Variants in CLSTN1 observed in about 807,000 individuals in gnomAD.
CLSTN1 encodes the protein calsyntenin-1.
Under a neutral mutation model 108.3 loss-of-function variants are expected in CLSTN1, and 28 were observed. The ratio of observed to expected loss-of-function variants is 0.26; its 90% CI spans 0.19 to 0.35. The LOEUF (loss-of-function observed/expected upper bound fraction) is 0.35. Ranked by LOEUF, CLSTN1 falls within the 10% of genes least tolerant of loss-of-function variation. CLSTN1 has a pLI of 1.00. For synonymous variants in CLSTN1, 524 were observed against 534.9 expected, an observed-to-expected ratio of 0.98 and a Z score of 0.28; for missense variants, 1,157 against 1,302.6, an observed-to-expected ratio of 0.89 and a Z score of 1.72.
intron 1 of CLSTN1, among the ~76,000 whole-genome samples, chr1:9,777,805 C>A (rs1279217016): frequency 6.6e-6 from 1 of 152,116 alleles, no homozygotes; most frequent in African/African-American, 2.4e-5. Flanking sequence ...CACAGTGCAG[C>A]CTAAGAGGAT....
intron 15 of CLSTN1, 90 bp downstream of exon 15, chr1:9,733,882 T>C (rs1650538692): frequency 7.4e-7 from 1 of 1,350,442 alleles, no homozygotes. Flanking sequence ...TAACTCAACA[T>C]TCTCAGATGG....
intron 1 of CLSTN1, among the ~76,000 whole-genome samples, chr1:9,790,672 G>A (rs924358017): frequency 1.3e-5 from 2 of 151,294 alleles, no homozygotes; most frequent in Non-Finnish European, 2.9e-5. Flanking sequence ...CAAATATTAC[G>A]CATATTTCGG....
rs1332756099 is a variant in CLSTN1, at chr1:9,823,042, G to A, written c.91+601C>T. On this transcript the variant is annotated intron_variant, in intron 1 of 18. Coordinates refer to ENST00000377298, the MANE Select transcript of CLSTN1 (RefSeq NM_001009566.3). This position sits in a 1 kb window ranked among gnomAD's most constrained non-coding sequence, Gnocchi z 6.3. ...TTCAGCCTCGGCTCCACTGGAAACAGACAACGTCTGAAGGACTCTGGGAGG... is the reference window on the plus strand; with the variant it reads ...TTCAGCCTCGGCTCCACTGGAAACAAACAACGTCTGAAGGACTCTGGGAGG... Among the ~76,000 whole-genome samples the A allele has an allele frequency of 6.6e-6, 1 of 152,252 alleles. No homozygotes were observed. Among genetic ancestry groups the A allele is most frequent in the Non-Finnish European group, 1.5e-5 (1 of 68,048 alleles).
At position 9,730,737 on chromosome 1, in the gene CLSTN1, C is replaced by G; in HGVS notation, c.2749-32G>C. The G allele has an allele frequency of 2.6e-6, 4 of 1,554,294 alleles. No individual in the cohort carries two copies. Among genetic ancestry groups the G allele is most frequent in the Non-Finnish European group, 3.5e-6 (4 of 1,150,258 alleles). On this transcript the variant is annotated intron_variant, in intron 18 of 18. Transcript: ENST00000377298. This position sits in a 1 kb window ranked among gnomAD's most constrained non-coding sequence, Gnocchi z 5.6. ...AGGAGAAGTGACGGCCACATGAGTCCGGCCCTGCCCACAGCCCCGTCACCT... is the reference window on the plus strand; with the variant it reads ...AGGAGAAGTGACGGCCACATGAGTCGGGCCCTGCCCACAGCCCCGTCACCT...
chr1:9,773,494 T>C, intron 1 of CLSTN1, 100 bp from the exon 2 acceptor site: 1 of 1,287,440 alleles, frequency 7.8e-7, no homozygotes, highest in Non-Finnish European at 1.0e-6. Flanking sequence ...ATAATAAAAC[T>C]CTCATTAGGC....
chr1:9,730,210 C>A lies in CLSTN1; in HGVS notation c.*298G>T. 1 of 492,390 alleles carries A rather than the reference C, an allele frequency of 2.0e-6. No individual in the cohort carries two copies. Among genetic ancestry groups the A allele is most frequent in the Non-Finnish European group, 3.7e-6 (1 of 270,328 alleles). 30.5% of individuals were successfully genotyped at this position (492,390 alleles called of 1,614,324 possible). On this transcript the variant is annotated 3_prime_UTR_variant, in exon 19 of 19. Transcript: ENST00000377298. This position sits in a 1 kb window ranked among gnomAD's most constrained non-coding sequence, Gnocchi z 5.6. ...GAGTGCGAGGGGCCAGTGTCCTCTC[C>A]CCGGGGGGAGACTCCAGACACAAAC... is the stretch of plus-strand genomic sequence containing the variant.
chr1:9,816,573 G>C (rs1380788498), intron 1 of CLSTN1, among the ~76,000 whole-genome samples: 1 of 57,198 alleles, frequency 1.7e-5, no homozygotes. Flanking sequence ...GCAGAAAAAG[G>C]TGGGTTTTTT....
At chr1:9,806,934 G>A (rs1654533357) in intron 1 of CLSTN1, among the ~76,000 whole-genome samples, 1 of 151,754 alleles carries the variant, frequency 6.6e-6, no homozygotes, top group South Asian at 2.1e-4. Context: ...TGTCAAAGAG[G>A]CAGTCTTTTA....
chr1:9,820,133 C>T (rs1437548026), intron 1 of CLSTN1, among the ~76,000 whole-genome samples: 2 of 152,046 alleles, frequency 1.3e-5, no homozygotes, highest in African/African-American at 4.8e-5. Flanking sequence ...CTAGTTCTCC[C>T]AAAGTGCTGG....
intron 1 of CLSTN1, among the ~76,000 whole-genome samples, chr1:9,798,673 T>C (rs990528875): frequency 1.3e-5 from 2 of 152,134 alleles, no homozygotes; most frequent in African/African-American, 2.4e-5. Context: ...ATAGAGGTGG[T>C]AGTTGCACAA....
intron 1 of CLSTN1, among the ~76,000 whole-genome samples, chr1:9,795,196 G>A (rs931818634): frequency 3.4e-5 from 5 of 144,942 alleles, no homozygotes; most frequent in East Asian, 2.1e-4. Flanking sequence ...GTGGAGTTTC[G>A]TTCTTGTCGC....
At chr1:9,779,284 A>T (rs1653124663) in intron 1 of CLSTN1, among the ~76,000 whole-genome samples, 1 of 152,246 alleles carries the variant, frequency 6.6e-6, no homozygotes, top group South Asian at 2.1e-4. Flanking sequence ...TTTTAAAAAA[A>T]TTTTTAGGAC....
In CLSTN1 at chr1:9,784,578, T is replaced by C. The variant is rs17034332; in HGVS notation, c.92-11184A>G. 6.1e-3 allele frequency among the ~76,000 whole-genome samples: 930 copies of C among 152,328 alleles called. 13 individuals carry two copies. Among genetic ancestry groups the C allele is most frequent in the African/African-American group, 0.021 (882 of 41,582 alleles). On this transcript the variant is annotated intron_variant, in intron 1 of 18. Transcript: ENST00000377298. ...CTTATCATGACACGTAGGTTGGTCA[T>C]GTCTGCCCTTAAAAAACAACAGCTA...
chr1:9,770,380 C>T (rs769022270), intron 2 of CLSTN1, among the ~76,000 whole-genome samples: 39 of 152,150 alleles, frequency 2.6e-4, no homozygotes, highest in Non-Finnish European at 5.1e-4. Context: ...AAAAATATTT[C>T]ATTGATAAGA....
intron 5 of CLSTN1, 172 bp from the exon 6 acceptor site, chr1:9,750,085 C>T (rs945247292): frequency 2.4e-5 from 14 of 583,066 alleles, no homozygotes; most frequent in Non-Finnish European, 3.0e-5. Flanking sequence ...AGCCCTAACA[C>T]GCACTAAATC....
chr1:9,774,304 G>A (rs935148946), intron 1 of CLSTN1, among the ~76,000 whole-genome samples: 1 of 152,010 alleles, frequency 6.6e-6, no homozygotes, highest in Non-Finnish European at 1.5e-5. Flanking sequence ...GGTGGCTCAC[G>A]CCTATAATCC....
Position 9,735,868 on chromosome 1 carries a change from C to T in CLSTN1, c.1734+17G>A, listed in dbSNP as rs377413254. ...AAGGGGCCCATGAGTGGTGTGCAGT[C>T]GAGCGCTCGGTGTTACCTGCACGCC... On this transcript the variant is annotated intron_variant, in intron 12 of 18. Transcript: ENST00000377298. The T allele has an allele frequency of 2.5e-6, 4 of 1,613,588 alleles. No homozygotes were observed. The highest frequency in any genetic ancestry group is 3.4e-6 in the Non-Finnish European group (4 of 1,179,796).
At chr1:9,738,440 G>C (rs1482908129) in intron 10 of CLSTN1, among the ~76,000 whole-genome samples, 1 of 152,202 alleles carries the variant, frequency 6.6e-6, no homozygotes. Context: ...CAAGGCTAGA[G>C]GTGTATCCAG....
chr1:9,731,088 G>T (rs1273445951), intron 18 of CLSTN1, 118 bp downstream of exon 18: 1 of 1,224,778 alleles, frequency 8.2e-7, no homozygotes. Context: ...CCCCAGGCTT[G>T]CTGAGCAGAT....
Sources: allele counts gnomAD v4.1 joint callset (sites outside exome capture counted in the v4.1 genomes callset), GRCh38; gene constraint gnomAD v4.1.1; non-coding constraint Gnocchi (gnomAD v3.1); transcripts MANE v1.5; gene names NCBI Gene and HGNC (gene_info 2026-07-23, HGNC 2026-07-21).